Variants in TSPEAR observed in about 807,000 individuals in gnomAD.
TSPEAR encodes thrombospondin type laminin G domain and EAR repeats.
Under a neutral mutation model 71.6 loss-of-function variants are expected in TSPEAR, and 69 were observed. The observed-to-expected ratio is 0.96, with a 90% CI of 0.79 to 1.18. TSPEAR has a LOEUF of 1.18. Ranked by LOEUF, TSPEAR falls within the 50% of genes most tolerant of loss-of-function variation. TSPEAR has a pLI of 0.00. For missense variants in TSPEAR, 971 were observed against 894.9 expected, an observed-to-expected ratio of 1.09 and a Z score of -1.09; for synonymous variants, 402 against 387.2, an observed-to-expected ratio of 1.04 and a Z score of -0.45.
At position 44,702,377 on chromosome 21, in the gene TSPEAR, C is replaced by G. The variant is rs1305749364; in HGVS notation, c.82+9056G>C. On this transcript the variant is annotated intron_variant, in intron 1 of 11. Transcript: ENST00000323084. ...GTGTCCAGCCCCTGCTGCCAGGCAGCCTGTGAGCCCAGCTCCTGCACGCCC... is the reference window on the plus strand; with the variant it reads ...GTGTCCAGCCCCTGCTGCCAGGCAGGCTGTGAGCCCAGCTCCTGCACGCCC... 9.3e-6 allele frequency: 15 copies of G among 1,608,884 alleles called. No individual in the cohort carries two copies. The African/African-American group carries it at 1.3e-4, about 14-fold the overall frequency.
At chr21:44,526,211 G>A (rs1031218124) in intron 7 of TSPEAR, among the ~76,000 whole-genome samples, 5 of 152,180 alleles carry the variant, frequency 3.3e-5, no homozygotes, top group Non-Finnish European at 5.9e-5. Flanking sequence ...TGTTATGGGT[G>A]TGATCACCAC....
chr21:44,617,994 C>T (rs1402286219), intron 1 of TSPEAR, among the ~76,000 whole-genome samples: 3 of 152,174 alleles, frequency 2.0e-5, no homozygotes, highest in African/African-American at 7.2e-5. Flanking sequence ...CCTGCTAAGA[C>T]CGATGACAGA....
At chr21:44,608,335 G>A (rs8132500) in intron 1 of TSPEAR, among the ~76,000 whole-genome samples, 16,447 of 152,204 alleles carry the variant, frequency 0.11, 1,676 homozygotes, top group African/African-American at 0.25. Context: ...GAGCTGACAT[G>A]CACCCCTCTC....
At chr21:44,573,604 C>T (rs1978293294) in intron 1 of TSPEAR, 2 of 1,299,678 alleles carry the variant, frequency 1.5e-6, no homozygotes, top group African/African-American at 3.0e-5. Context: ...GGCTGTACAC[C>T]CCAACAAGGA....
Position 44,601,172 on chromosome 21 carries a change from G to C in TSPEAR, c.83-33167C>G, listed in dbSNP as rs782368834. On this transcript the variant is annotated intron_variant, in intron 1 of 11. Transcript: ENST00000323084. The stretch of plus-strand genomic sequence containing the variant: ...TCTAGCTGTGTGAGCTGTGTGTCCA[G>C]TCCCTGCTGCCAGGCGGTCTGTGAG... 8.8e-6 allele frequency: 14 copies of C among 1,599,716 alleles called. No individual in the cohort carries two copies. The African/African-American group carries it at 1.9e-4, about 21-fold the overall frequency.
rs9981298 is a variant in TSPEAR at position 44,572,122 on chromosome 21, G to A, written c.83-4117C>T. ...TCCTGTGGGATTCCTCCCCCAACGC[G>A]ATGCCCACTCTGACCACGAGGAAAC... On this transcript the variant is annotated intron_variant, in intron 1 of 11. Coordinates refer to ENST00000323084, the MANE Select transcript of TSPEAR (RefSeq NM_144991.3). Among the ~76,000 whole-genome samples the A allele has an allele frequency of 5.8e-3, 878 of 152,342 alleles. 4 individuals carry two copies. The highest frequency in any genetic ancestry group is 0.02 in the African/African-American group (823 of 41,588).
At chr21:44,681,506 A>G (rs1986586190) in intron 1 of TSPEAR, 1 of 296,414 alleles carries the variant, frequency 3.4e-6, no homozygotes, top group East Asian at 5.8e-5. Flanking sequence ...TTTAGCAGCA[A>G]ATTCTATGTA....
chr21:44,676,029 C>T, intron 1 of TSPEAR: 1 of 864,214 alleles, frequency 1.2e-6, no homozygotes, highest in Admixed American at 1.7e-5. Flanking sequence ...AATTTTGCTA[C>T]TAGCTCCAGA....
intron 2 of TSPEAR, chr21:44,538,986 T>C (rs761635377): frequency 1.2e-4 from 65 of 524,810 alleles, no homozygotes; most frequent in Non-Finnish European, 1.8e-4. Flanking sequence ...GAGAATCAGG[T>C]GACCAAGGAG....
chr21:44,711,335 G>T lies in TSPEAR; in HGVS notation c.82+98C>A. On this transcript the variant is annotated intron_variant, in intron 1 of 11. Coordinates refer to ENST00000323084, the MANE Select transcript of TSPEAR (RefSeq NM_144991.3). This position sits in a 1 kb window ranked among gnomAD's most constrained non-coding sequence, Gnocchi z 4.5. ...CTGCCAAAGCGTCCTCGGGCACCGCGGCTTGAATCAGTGTTAGAAAGTGGC... is the reference window on the plus strand; with the variant it reads ...CTGCCAAAGCGTCCTCGGGCACCGCTGCTTGAATCAGTGTTAGAAAGTGGC... The T allele has an allele frequency of 8.8e-7, 1 of 1,139,144 alleles. No individual in the cohort carries two copies. The highest frequency in any genetic ancestry group is 1.3e-6 in the Non-Finnish European group (1 of 796,204). The allele number at this position is 1,139,144 out of a possible 1,614,324, so 70.6% of individuals were successfully genotyped here.
intron 2 of TSPEAR, among the ~76,000 whole-genome samples, chr21:44,538,656 G>C (rs1404304675): frequency 3.3e-5 from 5 of 152,194 alleles, no homozygotes; most frequent in African/African-American, 4.8e-5. Flanking sequence ...GGACCCCAGG[G>C]CAGCTTCCCG....
rs587737961 is a variant in TSPEAR, at chr21:44,673,578, A to C, written c.82+37855T>G. Among the ~76,000 whole-genome samples, 5 of 152,292 alleles carry C rather than the reference A, an allele frequency of 3.3e-5. No homozygotes were observed. The South Asian group carries it at 1.0e-3, about 32-fold the overall frequency. ...GACAGAAAATCAACAACAACAAAAA[A>C]ATTGGATTTATACTGAACTTTAAAG... On this transcript the variant is annotated intron_variant, in intron 1 of 11. Transcript: ENST00000323084.
chr21:44,579,930 G>T, intron 1 of TSPEAR: 1 of 1,614,024 alleles, frequency 6.2e-7, no homozygotes, highest in Non-Finnish European at 8.5e-7. Context: ...GAGGAGGAGG[G>T]TCTGCAGCAG....
At chr21:44,648,795 G>A (rs1984594191) in intron 1 of TSPEAR, among the ~76,000 whole-genome samples, 1 of 152,218 alleles carries the variant, frequency 6.6e-6, no homozygotes, top group Non-Finnish European at 1.5e-5. Context: ...TGACACCCGG[G>A]CCCCTGTGCT....
intron 2 of TSPEAR, among the ~76,000 whole-genome samples, chr21:44,547,646 CAG>C (rs1180120367): frequency 1.3e-5 from 2 of 152,206 alleles, no homozygotes; most frequent in Admixed American, 6.5e-5. Context: ...AGTAATTTGA[CAG>C]AGAGTTCCTT....
intron 1 of TSPEAR, among the ~76,000 whole-genome samples, chr21:44,629,699 G>C (rs1983141980): frequency 6.6e-6 from 1 of 152,234 alleles, no homozygotes; most frequent in Non-Finnish European, 1.5e-5. Flanking sequence ...CATTTGGACA[G>C]AGACACGACC....
intron 1 of TSPEAR, chr21:44,654,226 C>T (rs782267539): frequency 6.1e-6 from 9 of 1,468,016 alleles, no homozygotes; most frequent in South Asian, 1.2e-5. Flanking sequence ...GTTCAGAGAG[C>T]CTGCTGGCTT....
chr21:44,556,157 C>T (rs781951284), intron 2 of TSPEAR, among the ~76,000 whole-genome samples: 2 of 152,096 alleles, frequency 1.3e-5, no homozygotes, highest in Non-Finnish European at 2.9e-5. Flanking sequence ...GCAGGCAGAT[C>T]GCGATGTCAG....
chr21:44,538,780 A>T (rs1432088091), intron 2 of TSPEAR, among the ~76,000 whole-genome samples: 1 of 152,080 alleles, frequency 6.6e-6, no homozygotes, highest in Non-Finnish European at 1.5e-5. Flanking sequence ...GCTCAGGAAG[A>T]CCCGGGCACA....
Sources: gnomAD v4.1 joint callset for allele counts (sites outside exome capture counted in the v4.1 genomes callset) on GRCh38, gnomAD v4.1.1 for gene constraint, Gnocchi (gnomAD v3.1) non-coding constraint, MANE v1.5 for transcripts, NCBI Gene and HGNC (gene_info 2026-07-23, HGNC 2026-07-21) for gene names.